Variants in CNBD1 observed in about 807,000 individuals in gnomAD.
CNBD1 encodes cyclic nucleotide binding domain containing 1, also known as cyclic nucleotide-binding domain-containing protein 1.
A neutral mutation model predicts 54.4 loss-of-function variants in CNBD1; 71 were observed. The observed-to-expected ratio is 1.30, with a 90% CI of 1.08 to 1.59. The LOEUF (loss-of-function observed/expected upper bound fraction) is 1.59. Ranked by LOEUF, CNBD1 falls within the 40% of genes most tolerant of loss-of-function variation. The pLI is 0.00. For synonymous variants in CNBD1, 182 were observed against 170.7 expected, an observed-to-expected ratio of 1.07 and a Z score of -0.51; for missense variants, 659 against 518.0, an observed-to-expected ratio of 1.27 and a Z score of -2.64.
chr8:87,113,275 G>A (rs1811701019), intron 4 of CNBD1, among the ~76,000 whole-genome samples: 2 of 152,200 alleles, frequency 1.3e-5, no homozygotes, highest in South Asian at 4.1e-4. Flanking sequence ...GACACCTATA[G>A]CATCTGCTAC....
At chr8:87,062,226 A>T (rs1166225176) in intron 4 of CNBD1, among the ~76,000 whole-genome samples, 1 of 152,208 alleles carries the variant, frequency 6.6e-6, no homozygotes, top group Admixed American at 6.5e-5. Context: ...TTCAATGAAT[A>T]ATTCTTGACA....
chr8:86,964,882 C>T lies in CNBD1; in HGVS notation c.431+25128C>T, dbSNP rs149002730. 1.8e-4 allele frequency among the ~76,000 whole-genome samples: 27 copies of T among 152,254 alleles called. No individual in the cohort carries two copies. In the East Asian group the frequency reaches 3.9e-3, roughly 22 times the overall value. ...GTTGGCAAAGATCTGGGTTACACTACAAGGCAAAGAAAAATAGTCCAAGGT... is the reference window on the plus strand; with the variant it reads ...GTTGGCAAAGATCTGGGTTACACTATAAGGCAAAGAAAAATAGTCCAAGGT... On this transcript the variant is annotated intron_variant, in intron 4 of 10. Coordinates refer to ENST00000518476, the MANE Select transcript of CNBD1 (RefSeq NM_173538.3).
intron 4 of CNBD1, among the ~76,000 whole-genome samples, chr8:87,030,511 C>G (rs1488953961): frequency 2.6e-5 from 4 of 152,090 alleles, no homozygotes; most frequent in Non-Finnish European, 5.9e-5. Context: ...CCTTTTCACT[C>G]CTTTATCTCC....
intron 4 of CNBD1, among the ~76,000 whole-genome samples, chr8:86,965,096 T>G (rs1034216646): frequency 6.6e-6 from 1 of 152,236 alleles, no homozygotes; most frequent in African/African-American, 2.4e-5. Flanking sequence ...TCTGTGCTAC[T>G]CTTAACCTTA....
At chr8:87,126,851 A>G (rs62527284) in intron 4 of CNBD1, among the ~76,000 whole-genome samples, 58,260 of 151,692 alleles carry the variant, frequency 0.38, 12,507 homozygotes, top group Non-Finnish European at 0.47. Flanking sequence ...ATTATTTTGT[A>G]TATAGATATC....
intron 8 of CNBD1, among the ~76,000 whole-genome samples, chr8:87,289,145 G>C (rs180872035): frequency 6.6e-6 from 1 of 152,070 alleles, no homozygotes; most frequent in Non-Finnish European, 1.5e-5. Context: ...ATAATTATGT[G>C]TGTTTTGATC....
At chr8:87,094,441 A>G (rs1286964625) in intron 4 of CNBD1, among the ~76,000 whole-genome samples, 1 of 147,988 alleles carries the variant, frequency 6.8e-6, no homozygotes, top group South Asian at 2.1e-4. Context: ...TTTTTCTTTA[A>G]TGCTTTTTTT....
intron 4 of CNBD1, among the ~76,000 whole-genome samples, chr8:86,969,661 A>G (rs1189100225): frequency 1.3e-5 from 2 of 151,886 alleles, no homozygotes; most frequent in Non-Finnish European, 2.9e-5. Context: ...AAGGCTCAAT[A>G]TTATATTATA....
intron 4 of CNBD1, among the ~76,000 whole-genome samples, chr8:87,065,156 G>A (rs951069850): frequency 3.9e-5 from 6 of 151,910 alleles, no homozygotes; most frequent in Non-Finnish European, 5.9e-5. Context: ...GTTCTTTGAA[G>A]AAGCTCTAAT....
intron 4 of CNBD1, among the ~76,000 whole-genome samples, chr8:86,944,392 G>A (rs956671573): frequency 6.6e-6 from 1 of 152,142 alleles, no homozygotes; most frequent in African/African-American, 2.4e-5. Flanking sequence ...TATGTATTCT[G>A]TCAGTTAGTG....
intron 8 of CNBD1, among the ~76,000 whole-genome samples, chr8:87,286,872 T>C (rs1585984933): frequency 6.6e-6 from 1 of 152,138 alleles, no homozygotes. Context: ...TGAAGTGTGG[T>C]CTCAGGACTA....
At chr8:87,010,958 A>G (rs1809208281) in intron 4 of CNBD1, among the ~76,000 whole-genome samples, 1 of 152,032 alleles carries the variant, frequency 6.6e-6, no homozygotes, top group Non-Finnish European at 1.5e-5. Context: ...TTGGACATTG[A>G]GTGTGAAATG....
At chr8:87,406,012 T>G (rs1313699376) in intron 2 of CNBD1, among the ~76,000 whole-genome samples, 1 of 152,168 alleles carries the variant, frequency 6.6e-6, no homozygotes, top group African/African-American at 2.4e-5. Context: ...ATTCTCAATA[T>G]ATTTCTCTAT....
chr8:87,128,058 T>C (rs1055049130), intron 4 of CNBD1, among the ~76,000 whole-genome samples: 4 of 152,148 alleles, frequency 2.6e-5, no homozygotes, highest in Non-Finnish European at 5.9e-5. Flanking sequence ...GGAGTTTGGC[T>C]GGGGATAGTC....
chr8:87,261,766 T>C (rs1306488594), intron 6 of CNBD1, among the ~76,000 whole-genome samples: 3 of 152,204 alleles, frequency 2.0e-5, no homozygotes, highest in Non-Finnish European at 4.4e-5. Flanking sequence ...TTACAATTCA[T>C]CCACAGGGAC....
chr8:87,255,049 G>A (rs1450996934), intron 6 of CNBD1, among the ~76,000 whole-genome samples: 1 of 152,060 alleles, frequency 6.6e-6, no homozygotes, highest in African/African-American at 2.4e-5. Flanking sequence ...GCGAAAGAAG[G>A]GGTTTGATTA....
intron 8 of CNBD1, among the ~76,000 whole-genome samples, chr8:87,287,418 C>G (rs915195492): frequency 1.1e-4 from 16 of 152,152 alleles, no homozygotes; most frequent in African/African-American, 3.4e-4. Context: ...GACCTCGACT[C>G]TCTTTCCTCA....
intron 6 of CNBD1, among the ~76,000 whole-genome samples, chr8:87,244,802 A>T (rs1029046738): frequency 2.0e-5 from 3 of 152,144 alleles, no homozygotes; most frequent in Non-Finnish European, 2.9e-5. Flanking sequence ...ATCCAGTTAA[A>T]TTTAATTAGA....
intron 6 of CNBD1, among the ~76,000 whole-genome samples, chr8:87,283,031 T>G (rs1422152985): frequency 6.6e-6 from 1 of 152,048 alleles, no homozygotes. Flanking sequence ...TCTTTTCAGT[T>G]TCTTCTAGAA....
Sources: allele counts gnomAD v4.1 joint callset (sites outside exome capture counted in the v4.1 genomes callset), GRCh38; gene constraint gnomAD v4.1.1; transcripts MANE v1.5; gene names NCBI Gene and HGNC (gene_info 2026-07-23, HGNC 2026-07-21).